Variants in TIA1 observed in about 807,000 individuals in gnomAD.
The protein encoded by TIA1 is cytotoxic granule associated RNA binding protein TIA1.
In TIA1, 23 loss-of-function variants were observed where a neutral mutation model predicts 65.9. The ratio of observed to expected loss-of-function variants is 0.35; its 90% CI spans 0.25 to 0.49. The LOEUF (loss-of-function observed/expected upper bound fraction) is 0.49. Ranked by LOEUF, TIA1 falls within the 20% of genes least tolerant of loss-of-function variation. The pLI is 0.98. For missense variants in TIA1, 371 were observed against 477.9 expected, an observed-to-expected ratio of 0.78 and a Z score of 2.09; for synonymous variants, 147 against 149.4, an observed-to-expected ratio of 0.98 and a Z score of 0.12.
chr2:70,232,540 CAAAAAAAAAAA>C (rs70956955), intron 2 of TIA1, among the ~76,000 whole-genome samples: 11 of 40,266 alleles, frequency 2.7e-4, no homozygotes, highest in Admixed American at 7.5e-4. Flanking sequence ...AACTCTGTCT[CAAAAAAAAAAA>C]AAAAAAAAAA....
At chr2:70,233,939 T>A (rs1573609892) in intron 2 of TIA1, among the ~76,000 whole-genome samples, 2 of 152,182 alleles carry the variant, frequency 1.3e-5, no homozygotes, top group Admixed American at 1.3e-4. Context: ...AGTCTCAGAA[T>A]GTGAACAGAC....
At chr2:70,223,315 CTTAATTT>C (rs148420951) in intron 7 of TIA1, among the ~76,000 whole-genome samples, 9,315 of 151,878 alleles carry the variant, frequency 0.061, 355 homozygotes, top group East Asian at 0.18. Context: ...AATAAATTCT[CTTAATTT>C]TTATTTTCTC....
intron 1 of TIA1, among the ~76,000 whole-genome samples, chr2:70,242,961 TG>T (rs1692577963): frequency 3.9e-5 from 6 of 152,226 alleles, no homozygotes; most frequent in Admixed American, 2.0e-4. Context: ...GAACACTGCC[TG>T]GAACATTGCA....
At chr2:70,247,056 T>C (rs775327812) in intron 1 of TIA1, among the ~76,000 whole-genome samples, 9 of 152,206 alleles carry the variant, frequency 5.9e-5, no homozygotes, top group Non-Finnish European at 1.2e-4. Context: ...ATGACTGTCA[T>C]AGCTAAGAGG....
chr2:70,230,206 G>A (rs1222312107), intron 3 of TIA1, among the ~76,000 whole-genome samples: 2 of 147,132 alleles, frequency 1.4e-5, no homozygotes, highest in Non-Finnish European at 3.0e-5. Flanking sequence ...TCGCGCCGCT[G>A]CACTCCAGCC....
At chr2:70,236,055 G>T in intron 2 of TIA1, 24 bp downstream of exon 2, 1 of 1,403,340 alleles carries the variant, frequency 7.1e-7, no homozygotes, top group Non-Finnish European at 9.9e-7. Context: ...AAAGAATAAA[G>T]TTAACTAAGT....
At chr2:70,231,451 A>G (rs1686256229) in intron 2 of TIA1, among the ~76,000 whole-genome samples, 1 of 151,952 alleles carries the variant, frequency 6.6e-6, no homozygotes, top group Non-Finnish European at 1.5e-5. Context: ...TAAAAAGTAA[A>G]AAAAAAAAAG....
chr2:70,228,043 CT>C (rs1380296351), intron 5 of TIA1, among the ~76,000 whole-genome samples: 1 of 152,140 alleles, frequency 6.6e-6, no homozygotes, highest in Non-Finnish European at 1.5e-5. Context: ...ATACATCTAA[CT>C]GTAAAGTGAC....
intron 6 of TIA1, among the ~76,000 whole-genome samples, chr2:70,225,552 C>A (rs918008592): frequency 2.0e-5 from 3 of 152,154 alleles, no homozygotes; most frequent in African/African-American, 4.8e-5. Context: ...TCTCAGGACA[C>A]ATGAACAAAA....
At chr2:70,230,983 C>T (rs1404929243) in intron 2 of TIA1, 129 bp from the exon 3 acceptor site, 2 of 611,226 alleles carry the variant, frequency 3.3e-6, no homozygotes, top group Middle Eastern at 2.8e-4. Flanking sequence ...AATGAATGGT[C>T]TATTCCACAA....
intron 7 of TIA1, among the ~76,000 whole-genome samples, chr2:70,219,906 A>G (rs1680473237): frequency 6.6e-6 from 1 of 152,034 alleles, no homozygotes. Flanking sequence ...AAAAAGAAAC[A>G]AATATTATCA....
chr2:70,227,645 G>A, intron 6 of TIA1, 90 bp downstream of exon 6: 1 of 832,952 alleles, frequency 1.2e-6, no homozygotes, highest in Admixed American at 2.6e-5. Flanking sequence ...TAAAATTAAT[G>A]TACAAAATTC....
In TIA1 at chr2:70,215,770, T is replaced by C. The variant is rs375074681; in HGVS notation, c.765-276A>G. The C allele has an allele frequency of 7.9e-4, 271 of 343,156 alleles. 4 individuals are homozygous for C. In the South Asian group the frequency reaches 8.4e-3, roughly 11 times the overall value. 21.3% of individuals were successfully genotyped at this position (343,156 alleles called of 1,614,324 possible). A position where few individuals can be genotyped will look rare whatever the true frequency, so the allele number is the denominator to read the frequency against. On this transcript the variant is annotated intron_variant, in intron 10 of 12. Coordinates refer to ENST00000433529, the MANE Select transcript of TIA1 (RefSeq NM_022173.4). ...AAATTTCAATTTTTTTTTTTTGAGA[T>C]GGTGTCTGGCTCTGTTGCCCATGCT... is the stretch of plus-strand genomic sequence containing the variant.
intron 5 of TIA1, chr2:70,228,792 A>C: frequency 7.4e-7 from 1 of 1,359,796 alleles, no homozygotes; most frequent in Non-Finnish European, 9.4e-7. Flanking sequence ...ACCTCAAGAA[A>C]GGAGGGTATT....
At chr2:70,240,896 G>C (rs1277516428) in intron 1 of TIA1, among the ~76,000 whole-genome samples, 2 of 151,470 alleles carry the variant, frequency 1.3e-5, no homozygotes, top group East Asian at 3.9e-4. Context: ...CAAAAAAAAA[G>C]GACATAAAAA....
chr2:70,218,612 T>C (rs1679757814), intron 7 of TIA1, among the ~76,000 whole-genome samples: 1 of 152,088 alleles, frequency 6.6e-6, no homozygotes, highest in African/African-American at 2.4e-5. Flanking sequence ...GGGTTTCTTT[T>C]TTAGTAGAGA....
Position 70,222,136 on chromosome 2 carries a change from AAAAC to A in TIA1, c.474+2414_474+2417del, listed in dbSNP as rs199843119. ...GCTGCTGTTAAAACAAAAACAAAAC[AAAAC>A]AAACAAACAAAAAAAAAACAATGAA... is the stretch of plus-strand genomic sequence containing the variant. On this transcript the variant is annotated intron_variant, in intron 7 of 12. Transcript: ENST00000433529. Among the ~76,000 whole-genome samples, 688 of 139,778 alleles carry A rather than the reference AAAAC, an allele frequency of 4.9e-3. 7 individuals are homozygous for A. The highest frequency in any genetic ancestry group is 0.047 in the East Asian group (209 of 4,436). 91.7% of individuals were successfully genotyped at this position (139,778 alleles called of 152,430 possible).
At chr2:70,242,682 G>T (rs547453828) in intron 1 of TIA1, among the ~76,000 whole-genome samples, 2 of 151,994 alleles carry the variant, frequency 1.3e-5, no homozygotes, top group Admixed American at 6.6e-5. Flanking sequence ...ACCATTATGC[G>T]TCCATGGCCT....
Position 70,212,798 on chromosome 2 carries a change from T to G in TIA1, c.1082A>C (p.Gln361Pro), listed in dbSNP as rs556545503. 1.4e-5 allele frequency: 23 copies of G among 1,614,176 alleles called. No homozygotes were observed. In the South Asian group the frequency reaches 2.3e-4, roughly 16 times the overall value. Residue 361 changes from glutamine (Q) to proline (P), a missense_variant, in exon 13 of 13, where the codon CAA (glutamine) becomes CCA (proline). By Grantham distance (76) the Gln-to-Pro change is moderately conservative. Transcript: ENST00000433529. Reference sequence around the variant, plus strand: ...GCTGCCATTTTGCCCTTGAGGCGGTTGCACTCCATAATTTGGTCCCATCCA... The same window carrying G: ...GCTGCCATTTTGCCCTTGAGGCGGTGGCACTCCATAATTTGGTCCCATCCA... ...APWMGPNYGVQPPQGQNGSML... is the reference protein window; with the variant it reads ...APWMGPNYGVPPPQGQNGSML...
Sources: allele counts gnomAD v4.1 joint callset (sites outside exome capture counted in the v4.1 genomes callset), GRCh38; gene constraint gnomAD v4.1.1; transcripts MANE v1.5; gene names NCBI Gene and HGNC (gene_info 2026-07-23, HGNC 2026-07-21).